CSN1S1: variants seen among roughly 807,000 people sequenced by gnomAD.
CSN1S1 encodes alpha-S1-casein.
CSN1S1 carries 63 observed loss-of-function variants against 49.1 expected under a neutral mutation model. The observed-to-expected ratio is 1.28, with a 90% confidence interval of 1.05 to 1.58. The LOEUF is 1.58. CSN1S1 is among the 40% of genes most tolerant of loss of function. The probability of loss-of-function intolerance (pLI) is 0.00; values close to 1 mark genes in which losing one functional copy is unlikely to be tolerated. For synonymous variants in CSN1S1, 78 were observed against 67.1 expected (o/e 1.16, Z -0.79); for missense variants, 260 against 224.7 (o/e 1.16, Z -1.01).
chr4:69,932,503 GTAA>G, intron 1 of CSN1S1, 38 bp from the exon 2 acceptor site: 3 of 1,513,214 alleles, frequency 2.0e-6, no homozygotes, highest in South Asian at 1.2e-5. Flanking sequence ...CAAATTTAAC[GTAA>G]TAATATCTAA....
intron 10 of CSN1S1, 109 bp downstream of exon 10, chr4:69,939,317 A>G (rs748684164): frequency 3.1e-5 from 20 of 637,636 alleles, no homozygotes; most frequent in African/African-American, 1.5e-4. Context: ...AAGGCAGTGT[A>G]TATGTGGCAC....
intron 8 of CSN1S1, 82 bp downstream of exon 8, chr4:69,937,226 A>C: frequency 1.9e-6 from 2 of 1,036,460 alleles, no homozygotes; most frequent in South Asian, 1.6e-5. Flanking sequence ...TTATTATTTT[A>C]AATAAAAACT....
At chr4:69,936,678 A>G (rs746238842) in intron 7 of CSN1S1, 71 bp downstream of exon 7, 254 of 1,386,788 alleles carry the variant, frequency 1.8e-4, no homozygotes, top group Non-Finnish European at 2.4e-4. Flanking sequence ...GTTTTCCTTT[A>G]GGAAAAAAAA....
chr4:69,943,407 A>G (rs888508358), intron 14 of CSN1S1, among the ~76,000 whole-genome samples: 13 of 151,872 alleles, frequency 8.6e-5, no homozygotes, highest in African/African-American at 3.1e-4. Context: ...TTGGTCTCAA[A>G]CTCCTGACCT....
rs1438404650 is a variant in CSN1S1, at chr4:69,946,365, G to A, written c.*169G>A. On this transcript the variant is annotated 3_prime_UTR_variant, in exon 16 of 16. Coordinates refer to ENST00000246891, the MANE Select transcript of CSN1S1 (RefSeq NM_001890.2). ...CTTTTTCTTAAGCTAAATTTTCCTA[G>A]AGAGTTTATTGTCTAAATTTCAGTT... 3.3e-6 allele frequency: 1 copy of A among 301,780 alleles called. No individual in the cohort carries two copies. The highest frequency in any genetic ancestry group is 6.4e-6 in the Non-Finnish European group (1 of 155,438). 18.7% of individuals were successfully genotyped at this position (301,780 alleles called of 1,614,324 possible).
rs1722788584 is a variant in CSN1S1, at chr4:69,936,481, T to C, written c.153+2T>C. The stretch of plus-strand genomic sequence containing the variant: ...GAATACATGAATGGTATGAACAGGG[T>C]AAGAAACATCAATGAAATTTAAATT... On this transcript the variant is annotated splice_donor_variant, in intron 6 of 15. Coordinates refer to ENST00000246891, the MANE Select transcript of CSN1S1 (RefSeq NM_001890.2). LOFTEE classifies it high-confidence loss of function. 1 of 1,576,520 alleles carries C rather than the reference T, an allele frequency of 6.3e-7. No individual in the cohort carries two copies. Among genetic ancestry groups the C allele is most frequent in the South Asian group, 1.1e-5 (1 of 89,568 alleles).
intron 5 of CSN1S1, among the ~76,000 whole-genome samples, 155 bp downstream of exon 5, chr4:69,936,104 A>AT (rs750644376): frequency 2.0e-5 from 3 of 152,040 alleles, no homozygotes; most frequent in Non-Finnish European, 4.4e-5. Context: ...GCACATTTAC[A>AT]TACTAGCCTT....
At position 69,932,565 on chromosome 4, in the gene CSN1S1, C is replaced by T. The variant is rs371952091; in HGVS notation, c.10C>T (p.Leu4Phe). The T allele has an allele frequency of 3.1e-6, 5 of 1,603,556 alleles. 1 individual carries two copies. Among genetic ancestry groups the T allele is most frequent in the South Asian group, 2.2e-5 (2 of 89,382 alleles). ...ATAGGCTCTGATAACCATGAGGCTTCTCATTCTCACCTGTCTTGTGGCTGT... is the reference window on the plus strand; with the variant it reads ...ATAGGCTCTGATAACCATGAGGCTTTTCATTCTCACCTGTCTTGTGGCTGT... MRL[L>F]ILTCLVAVAL... The change falls in exon 2 of 16, where the codon CTC (leucine) becomes TTC (phenylalanine). Residue 4 changes from leucine (L) to phenylalanine (F), a missense_variant. Physicochemically the swap from Leu to Phe is conservative, Grantham distance 22. Coordinates refer to ENST00000246891, the MANE Select transcript of CSN1S1 (RefSeq NM_001890.2).
intron 4 of CSN1S1, 108 bp from the exon 5 acceptor site, chr4:69,935,818 T>C: frequency 1.3e-6 from 1 of 747,712 alleles, no homozygotes; most frequent in South Asian, 1.6e-5. Context: ...ATTTTTGACT[T>C]AATTGTTGAA....
rs375946128 is a variant in CSN1S1, at chr4:69,934,206, T to G, written c.52-6T>G. The G allele has an allele frequency of 1.2e-6, 2 of 1,608,404 alleles. No homozygotes were observed. Among genetic ancestry groups the G allele is most frequent in the East Asian group, 4.5e-5 (2 of 44,732 alleles). ...TGTTTTACAATTCTTGCATTGTTTT[T>G]CACAGAAACTTCCTCTTAGATACCC... On this transcript the variant is annotated splice_region_variant and splice_polypyrimidine_tract_variant and intron_variant, in intron 2 of 15. Transcript: ENST00000246891.
At chr4:69,933,286 G>A (rs1195743532) in intron 2 of CSN1S1, among the ~76,000 whole-genome samples, 1 of 151,966 alleles carries the variant, frequency 6.6e-6, no homozygotes, top group Non-Finnish European at 1.5e-5. Flanking sequence ...GTTAATGAAT[G>A]AGAAGAATAA....
chr4:69,935,825 TGAATA>T, intron 4 of CSN1S1, 96 bp from the exon 5 acceptor site: 1 of 776,506 alleles, frequency 1.3e-6, no homozygotes, highest in South Asian at 1.6e-5. Flanking sequence ...ACTTAATTGT[TGAATA>T]GAAGAACATA....
intron 14 of CSN1S1, among the ~76,000 whole-genome samples, chr4:69,943,783 C>T (rs1432184109): frequency 2.0e-5 from 3 of 151,950 alleles, no homozygotes; most frequent in Non-Finnish European, 2.9e-5. Flanking sequence ...AAAGAATACA[C>T]AAGAGAGGGT....
At chr4:69,936,020 G>T in intron 5 of CSN1S1, 71 bp downstream of exon 5, 3 of 1,155,270 alleles carry the variant, frequency 2.6e-6, no homozygotes, top group Non-Finnish European at 3.7e-6. Context: ...AGGAGACTCA[G>T]AACAGTGCCT....
At chr4:69,939,533 G>GTTATAAATTGTTATAATTTATAA (rs1722908386) in intron 10 of CSN1S1, among the ~76,000 whole-genome samples, 1 of 151,556 alleles carries the variant, frequency 6.6e-6, no homozygotes, top group Admixed American at 6.6e-5. Flanking sequence ...CAATTACCAT[G>GTTATAAATTGTTATAATTTATAA]CTTATAAACC....
intron 14 of CSN1S1, among the ~76,000 whole-genome samples, chr4:69,944,540 T>G (rs1723088469): frequency 6.6e-6 from 1 of 152,010 alleles, no homozygotes; most frequent in Admixed American, 6.6e-5. Flanking sequence ...TGTATGCTAC[T>G]ACTCTCTTCT....
At chr4:69,939,317 A>AT (rs1722902370) in intron 10 of CSN1S1, 109 bp downstream of exon 10, 3 of 637,754 alleles carry the variant, frequency 4.7e-6, no homozygotes, top group Non-Finnish European at 7.9e-6. Flanking sequence ...AAGGCAGTGT[A>AT]TATGTGGCAC....
rs10022914 is a variant in CSN1S1 at position 69,935,840 on chromosome 4, A to C, written c.106-86A>C. On this transcript the variant is annotated intron_variant, in intron 4 of 15. Transcript: ENST00000246891. ...ACTTAATTGTTGAATAGAAGAACAT[A>C]ACGTTTTAATTCAAGGACATTATCT... 500 of 855,278 alleles carry C rather than the reference A, an allele frequency of 5.8e-4. 3 individuals are homozygous for C. In the African/African-American group the frequency reaches 7.6e-3, roughly 13 times the overall value. 53.0% of individuals were successfully genotyped at this position (855,278 alleles called of 1,614,324 possible).
intron 2 of CSN1S1, among the ~76,000 whole-genome samples, chr4:69,933,217 T>C (rs1030685097): frequency 1.3e-5 from 2 of 151,996 alleles, no homozygotes; most frequent in Non-Finnish European, 2.9e-5. Context: ...AGAGTGTTTA[T>C]ATCAATTAGA....
Sources: gnomAD v4.1 joint callset for allele counts (sites outside exome capture counted in the v4.1 genomes callset) on GRCh38, gnomAD v4.1.1 for gene constraint, MANE v1.5 for transcripts, NCBI Gene and HGNC (gene_info 2026-07-23, HGNC 2026-07-21) for gene names.